The following KALRN variants were observed in gnomAD, a reference collection of about 807,000 sequenced individuals.
KALRN encodes kalirin.
KALRN carries 70 observed loss-of-function variants against 353.7 expected under a neutral mutation model. That is an observed-to-expected ratio of 0.20 (90% confidence interval 0.16 to 0.24). KALRN has a LOEUF of 0.24. Among genes scored for constraint, KALRN ranks in the 10% least tolerant of loss-of-function variants. KALRN has a pLI of 1.00. For synonymous variants in KALRN, 1,391 were observed against 1,434.8 expected (o/e 0.97, Z 0.69); for missense variants, 2,791 against 3,756.7 (o/e 0.74, Z 6.72).
In KALRN at chr3:124,254,874, G is replaced by A. The variant is rs185622886; in HGVS notation, c.264-9624G>A. ...GCTTCCTCCCCTGGCTGCAGTGGAG[G>A]AGCAGCCAGCATCCAGGCTGTTTGA... On this transcript the variant is annotated intron_variant, in intron 3 of 59. Transcript: ENST00000682506. Among the ~76,000 whole-genome samples the A allele has an allele frequency of 1.2e-3, 176 of 152,262 alleles. 1 individual carries two copies. The highest frequency in any genetic ancestry group is 9.6e-4 in the Non-Finnish European group (65 of 68,022).
intron 1 of KALRN, among the ~76,000 whole-genome samples, chr3:124,117,781 A>G (rs1222595063): frequency 1.3e-5 from 2 of 152,178 alleles, no homozygotes; most frequent in Non-Finnish European, 2.9e-5. Flanking sequence ...CAGAAGCTTC[A>G]GATTGAGGCA....
chr3:124,062,436 A>G (rs2149219374), intron 1 of KALRN, among the ~76,000 whole-genome samples: 1 of 152,294 alleles, frequency 6.6e-6, no homozygotes, highest in South Asian at 2.1e-4. Flanking sequence ...GCCAAAACCC[A>G]GTCTCCCAGA....
In KALRN at chr3:124,638,907, AGTTACAT is replaced by A. The variant is rs147372850; in HGVS notation, c.5664+1608_5664+1614del. On this transcript the variant is annotated intron_variant, in intron 37 of 59. Coordinates refer to ENST00000682506, the MANE Select transcript of KALRN (RefSeq NM_001388419.1). ...AGCATAAATATAGAATTTATAAACAAGTTACATGTTTGGGGGTACACGAGCAAAATTA... is the reference window on the plus strand; with the variant it reads ...AGCATAAATATAGAATTTATAAACAAGTTTGGGGGTACACGAGCAAAATTA... Among the ~76,000 whole-genome samples, 1,147 of 152,322 alleles carry A rather than the reference AGTTACAT, an allele frequency of 7.5e-3. 12 individuals are homozygous for A. The highest frequency in any genetic ancestry group is 0.024 in the African/African-American group (1,013 of 41,572).
intron 6 of KALRN, among the ~76,000 whole-genome samples, chr3:124,305,464 A>G (rs1052050407): frequency 6.6e-6 from 1 of 152,212 alleles, no homozygotes; most frequent in Non-Finnish European, 1.5e-5. Flanking sequence ...GCCCCAGTAC[A>G]TTGTTGAAAA....
At chr3:124,594,889 A>G (rs1157229180) in intron 34 of KALRN, among the ~76,000 whole-genome samples, 15 of 151,910 alleles carry the variant, frequency 9.9e-5, no homozygotes, top group Admixed American at 8.5e-4. Flanking sequence ...GGGCCTTCTC[A>G]TTGTGCAGCT....
rs2063871891 is a variant in KALRN, at chr3:124,496,550, AG to A, written c.4935+139del. ...AGTTGTCTCTTTGTGCCAGCCAAGGAGGAAAGAACAGGGCTGGAGGAGGCAT... is the reference window on the plus strand; with the variant it reads ...AGTTGTCTCTTTGTGCCAGCCAAGGAGAAAGAACAGGGCTGGAGGAGGCAT... On this transcript the variant is annotated intron_variant, in intron 33 of 59. Coordinates refer to ENST00000682506, the MANE Select transcript of KALRN (RefSeq NM_001388419.1). The A allele has an allele frequency of 4.6e-6, 3 of 656,284 alleles. No homozygotes were observed. The Admixed American group carries it at 7.0e-5, about 15-fold the overall frequency. The allele number at this position is 656,284 out of a possible 1,614,324, so 40.7% of individuals were successfully genotyped here. A position where few individuals can be genotyped will look rare whatever the true frequency, so the allele number is the denominator to read the frequency against.
intron 34 of KALRN, among the ~76,000 whole-genome samples, chr3:124,591,585 GA>G (rs1254294025): frequency 6.6e-6 from 1 of 152,222 alleles, no homozygotes; most frequent in Non-Finnish European, 1.5e-5. Flanking sequence ...GAGTGGACAA[GA>G]AGGAATCTAA....
At position 124,657,445 on chromosome 3, in the gene KALRN, C is replaced by T; in HGVS notation, c.5863-3C>T. On this transcript the variant is annotated splice_region_variant and splice_polypyrimidine_tract_variant and intron_variant, in intron 39 of 59. Transcript: ENST00000682506. ...CTACTAACCATTGCCTTTGCTGCTG[C>T]AGGGCTTCATGAAGAGAATAGAAGA... 2 of 1,608,902 alleles carry T rather than the reference C, an allele frequency of 1.2e-6. No individual in the cohort carries two copies. Among genetic ancestry groups the T allele is most frequent in the Non-Finnish European group, 1.7e-6 (2 of 1,175,278 alleles).
At chr3:124,170,362 C>T (rs554511712) in intron 1 of KALRN, among the ~76,000 whole-genome samples, 11 of 152,306 alleles carry the variant, frequency 7.2e-5, no homozygotes, top group African/African-American at 2.2e-4. Context: ...ATAACAACTG[C>T]ATGATCTATG....
chr3:124,688,316 A>G (rs1412158489), intron 51 of KALRN, among the ~76,000 whole-genome samples: 1 of 151,808 alleles, frequency 6.6e-6, no homozygotes, highest in Non-Finnish European at 1.5e-5. Flanking sequence ...CTGTCAAAAA[A>G]AAAAAAAAAA....
intron 33 of KALRN, among the ~76,000 whole-genome samples, chr3:124,521,584 C>A (rs930362895): frequency 1.3e-5 from 2 of 152,182 alleles, no homozygotes; most frequent in African/African-American, 4.8e-5. Context: ...CCCAGCCAGC[C>A]ATATAATCAT....
intron 37 of KALRN, among the ~76,000 whole-genome samples, chr3:124,642,806 G>GTTGTTTTTTTTTTGT (rs796628603): frequency 4.1e-5 from 4 of 96,838 alleles, no homozygotes; most frequent in African/African-American, 1.8e-4. Flanking sequence ...CCCAAGCCTC[G>GTTGTTTTTTTTTTGT]TTTTTTTTTT....
chr3:124,669,942 CT>C (rs1190184893), intron 47 of KALRN, among the ~76,000 whole-genome samples: 5 of 150,666 alleles, frequency 3.3e-5, no homozygotes, highest in African/African-American at 1.2e-4. Context: ...CACAACCATC[CT>C]TTTTTCCCCC....
Position 124,446,836 on chromosome 3 carries a change from A to T in KALRN, c.3503A>T (p.Glu1168Val). The change falls in exon 21 of 60, where the codon GAG becomes GTG. Residue 1168 changes from glutamate to valine, a missense_variant. Coordinates refer to ENST00000682506, the MANE Select transcript of KALRN (RefSeq NM_001388419.1). ...THTSTGETTE[E>V]TQELLKEYGE... ...ACCTCCACTGGAGAGACCACAGAGGAGACTCAGGAACTGCTGAAAGAATAT... is the reference window on the plus strand; with the variant it reads ...ACCTCCACTGGAGAGACCACAGAGGTGACTCAGGAACTGCTGAAAGAATAT... 1 of 1,614,100 alleles carries T rather than the reference A, an allele frequency of 6.2e-7. No individual in the cohort carries two copies. Among genetic ancestry groups the T allele is most frequent in the East Asian group, 2.2e-5 (1 of 44,876 alleles).
intron 10 of KALRN, among the ~76,000 whole-genome samples, chr3:124,358,308 T>A (rs2083641728): frequency 1.3e-5 from 2 of 152,240 alleles, no homozygotes; most frequent in Non-Finnish European, 2.9e-5. Context: ...CCAGCTGGGA[T>A]CATTATCATC....
intron 37 of KALRN, among the ~76,000 whole-genome samples, chr3:124,642,813 T>TG (rs1365733888): frequency 0.013 from 1,759 of 138,000 alleles, 75 homozygotes; most frequent in Middle Eastern, 0.022. Context: ...CTCGTTTTTT[T>TG]TTTTTTTTTT....
At chr3:124,236,208 G>C (rs1487809870) in intron 3 of KALRN, among the ~76,000 whole-genome samples, 2 of 152,074 alleles carry the variant, frequency 1.3e-5, no homozygotes, top group East Asian at 3.9e-4. Context: ...TTAAGCTTCA[G>C]TAAAAGGGAT....
intron 5 of KALRN, among the ~76,000 whole-genome samples, chr3:124,283,328 T>C (rs1051205901): frequency 5.3e-5 from 8 of 152,244 alleles, no homozygotes; most frequent in African/African-American, 1.2e-4. Context: ...GGGATAAAGT[T>C]GGGCATTATT....
chr3:124,162,439 C>T (rs143786276), intron 1 of KALRN: 4 of 152,226 alleles, frequency 2.6e-5, no homozygotes, highest in South Asian at 2.1e-4. Context: ...AATGTCTCCT[C>T]GCTGAAAGGT....
Sources: gnomAD v4.1 joint callset for allele counts (sites outside exome capture counted in the v4.1 genomes callset) on GRCh38, gnomAD v4.1.1 for gene constraint, MANE v1.5 for transcripts, NCBI Gene and HGNC (gene_info 2026-07-23, HGNC 2026-07-21) for gene names.